PSPH: variants seen among roughly 807,000 people sequenced by gnomAD.
PSPH encodes the protein phosphoserine phosphatase, also known as L-3-phosphoserine phosphatase.
A neutral mutation model predicts 23.4 loss-of-function variants in PSPH; 16 were observed. The observed-to-expected ratio is 0.68, with a 90% CI of 0.46 to 1.04. The LOEUF (loss-of-function observed/expected upper bound fraction) is 1.04. PSPH is among the 50% of genes least tolerant of loss of function. The pLI is 0.00. For synonymous variants in PSPH, 68 were observed against 99.7 expected (o/e 0.68, Z 1.89); for missense variants, 223 against 273.7 (o/e 0.81, Z 1.31).
intron 1 of PSPH, among the ~76,000 whole-genome samples, chr7:56,047,643 T>C (rs1013169727): frequency 6.6e-6 from 1 of 151,738 alleles, no homozygotes; most frequent in African/African-American, 2.4e-5. Context: ...ATTTCTCTGG[T>C]GTTCTTGCCA....
At chr7:56,029,894 T>C (rs966594886) in intron 3 of PSPH, among the ~76,000 whole-genome samples, 3 of 151,122 alleles carry the variant, frequency 2.0e-5, no homozygotes, top group African/African-American at 7.3e-5. Context: ...GGAGAATTGC[T>C]TGGACCTGGG....
At chr7:56,021,344 G>T in intron 3 of PSPH, 113 bp from the exon 4 acceptor site, 1 of 984,088 alleles carries the variant, frequency 1.0e-6, no homozygotes, top group Non-Finnish European at 1.5e-6. Context: ...GGCCACATAA[G>T]AGTGTTCTCA....
At chr7:56,038,450 C>T (rs1792031719) in intron 1 of PSPH, among the ~76,000 whole-genome samples, 1 of 151,906 alleles carries the variant, frequency 6.6e-6, no homozygotes, top group African/African-American at 2.4e-5. Flanking sequence ...TAAAGCGAGA[C>T]TCCGTCTAAA....
At chr7:56,046,312 T>A (rs567227826) in intron 1 of PSPH, among the ~76,000 whole-genome samples, 1 of 152,024 alleles carries the variant, frequency 6.6e-6, no homozygotes, top group South Asian at 2.1e-4. Flanking sequence ...AATTGTGTAT[T>A]TTTTTAGTAG....
At chr7:56,026,283 C>T (rs1790173486) in intron 3 of PSPH, among the ~76,000 whole-genome samples, 1 of 151,990 alleles carries the variant, frequency 6.6e-6, no homozygotes. Flanking sequence ...CGAGACCCGC[C>T]TGGCCAACAT....
intron 1 of PSPH, among the ~76,000 whole-genome samples, chr7:56,038,729 C>T (rs1264942090): frequency 6.6e-6 from 1 of 151,688 alleles, no homozygotes; most frequent in Admixed American, 6.6e-5. Context: ...ACCTCGAATC[C>T]CAGGTACTTG....
chr7:56,042,643 C>G (rs1208930959), intron 1 of PSPH, among the ~76,000 whole-genome samples: 1 of 149,880 alleles, frequency 6.7e-6, no homozygotes. Context: ...AGAGTGGGAC[C>G]CTGTCTCAGA....
At chr7:56,026,630 G>T (rs1008723256) in intron 3 of PSPH, among the ~76,000 whole-genome samples, 6 of 150,868 alleles carry the variant, frequency 4.0e-5, no homozygotes, top group African/African-American at 1.5e-4. Context: ...GTGAAACCCT[G>T]TCTCTATTAA....
At position 56,016,403 on chromosome 7, in the gene PSPH, C is replaced by CAAAAA. The variant is rs1187610566; in HGVS notation, c.421+826_421+830dup. ...AGAGCAATAGAGTGAGACCCTGTCT[C>CAAAAA]AAAAAAAAAAAAAAAAAAAAATCAC... On this transcript the variant is annotated intron_variant, in intron 6 of 7. Coordinates refer to ENST00000275605, the MANE Select transcript of PSPH (RefSeq NM_004577.4). Among the ~76,000 whole-genome samples the CAAAAA allele has an allele frequency of 1.9e-3, 158 of 85,336 alleles. 2 individuals carry two copies. The highest frequency in any genetic ancestry group is 4.2e-3 in the South Asian group (9 of 2,138). 56.0% of individuals were successfully genotyped at this position (85,336 alleles called of 152,430 possible).
chr7:56,021,348 G>T, intron 3 of PSPH, 117 bp from the exon 4 acceptor site: 3 of 876,252 alleles, frequency 3.4e-6, no homozygotes, highest in African/African-American at 1.9e-5. Flanking sequence ...ACATAAGAGT[G>T]TTCTCACAGA....
At chr7:56,015,520 A>G (rs1270781679) in intron 6 of PSPH, among the ~76,000 whole-genome samples, 2 of 152,042 alleles carry the variant, frequency 1.3e-5, no homozygotes, top group Non-Finnish European at 2.9e-5. Flanking sequence ...CTTTTAAATT[A>G]TAACTATCAA....
chr7:56,016,150 A>G (rs1774943788), intron 6 of PSPH, among the ~76,000 whole-genome samples: 1 of 151,542 alleles, frequency 6.6e-6, no homozygotes, highest in African/African-American at 2.4e-5. Flanking sequence ...TGTAATCCCA[A>G]CACTTTGGGA....
At chr7:56,030,632 C>T (rs1385474939) in intron 3 of PSPH, among the ~76,000 whole-genome samples, 2 of 152,132 alleles carry the variant, frequency 1.3e-5, no homozygotes, top group Non-Finnish European at 2.9e-5. Flanking sequence ...GGTGCGGTGG[C>T]TCACAGCTGT....
chr7:56,037,706 A>ATTTT (rs71015167), intron 1 of PSPH, among the ~76,000 whole-genome samples: 33 of 115,308 alleles, frequency 2.9e-4, no homozygotes, highest in East Asian at 5.4e-4. Flanking sequence ...AAGCTAACAA[A>ATTTT]TTTTTTTTTT....
intron 7 of PSPH, among the ~76,000 whole-genome samples, chr7:56,012,420 A>G (rs899453120): frequency 1.3e-5 from 2 of 151,436 alleles, no homozygotes; most frequent in African/African-American, 4.9e-5. Flanking sequence ...TGCTTAAGCA[A>G]TCCTCCCGCC....
chr7:56,029,636 C>T (rs1330446824), intron 3 of PSPH, among the ~76,000 whole-genome samples: 3 of 152,020 alleles, frequency 2.0e-5, no homozygotes, highest in Non-Finnish European at 2.9e-5. Context: ...CAAAGAAATG[C>T]TTTCCCAACT....
intron 7 of PSPH, 135 bp from the exon 8 acceptor site, chr7:56,012,004 C>T (rs1787963942): frequency 1.4e-6 from 1 of 705,040 alleles, no homozygotes; most frequent in Non-Finnish European, 2.4e-6. Flanking sequence ...CTCCTGGGTT[C>T]AAGTGATTCT....
rs148476728 is a variant in PSPH, at chr7:56,041,938, C to G, written c.-291-7832G>C. Among the ~76,000 whole-genome samples, 764 of 144,230 alleles carry G rather than the reference C, an allele frequency of 5.3e-3. 10 individuals are homozygous for G. Among genetic ancestry groups the G allele is most frequent in the African/African-American group, 0.018 (697 of 38,946 alleles). 94.6% of individuals were successfully genotyped at this position (144,230 alleles called of 152,430 possible). On this transcript the variant is annotated intron_variant, in intron 1 of 7. Coordinates refer to ENST00000275605, the MANE Select transcript of PSPH (RefSeq NM_004577.4). ...GACTCTGTCTCAAAAAAAAAAAGAT[C>G]TGGACCGGGCGCAGTGGCTCATGCC...
chr7:56,024,897 A>C (rs1179067739), intron 3 of PSPH, among the ~76,000 whole-genome samples: 1 of 139,088 alleles, frequency 7.2e-6, no homozygotes, highest in South Asian at 2.3e-4. Context: ...TCTGCCTCCC[A>C]GGTTCAAGTG....
Sources: gnomAD v4.1 joint callset for allele counts (sites outside exome capture counted in the v4.1 genomes callset) on GRCh38, gnomAD v4.1.1 for gene constraint, MANE v1.5 for transcripts, NCBI Gene and HGNC (gene_info 2026-07-23, HGNC 2026-07-21) for gene names.